The following IFT80 variants were observed in gnomAD, a reference collection of about 807,000 sequenced individuals.
The protein encoded by IFT80 is intraflagellar transport protein 80 homolog.
Under a neutral mutation model 107.9 loss-of-function variants are expected in IFT80, and 79 were observed. The observed-to-expected ratio is 0.73, with a 90% CI of 0.61 to 0.88. The LOEUF (loss-of-function observed/expected upper bound fraction) is 0.88, where lower values mean the gene tolerates loss of function less well. IFT80 is among the 40% of genes least tolerant of loss of function. IFT80 has a pLI of 0.00. For synonymous variants in IFT80, 299 were observed against 300.9 expected (o/e 0.99, Z 0.07); for missense variants, 797 against 914.2 (o/e 0.87, Z 1.65).
chr3:160,276,426 A>G (rs1472578900), intron 18 of IFT80, among the ~76,000 whole-genome samples: 1 of 152,232 alleles, frequency 6.6e-6, no homozygotes, highest in Admixed American at 6.5e-5. Flanking sequence ...GTTTAACTAA[A>G]GAGCCTTGTA....
At chr3:160,396,028 T>C (rs1713753221) in intron 1 of IFT80, among the ~76,000 whole-genome samples, 2 of 152,100 alleles carry the variant, frequency 1.3e-5, no homozygotes, top group South Asian at 4.1e-4. Context: ...CAGTTATTCT[T>C]ACAGCACTAC....
Position 160,357,585 on chromosome 3 carries a change from G to GA in IFT80, c.550-8dup. 1.9e-6 allele frequency: 3 copies of GA among 1,544,152 alleles called. No individual in the cohort carries two copies. Among genetic ancestry groups the GA allele is most frequent in the Non-Finnish European group, 2.7e-6 (3 of 1,119,692 alleles). On this transcript the variant is annotated splice_region_variant and splice_polypyrimidine_tract_variant and intron_variant, in intron 6 of 19. Transcript: ENST00000326448. ...TGCCATCATGAGCTTTCCACTGTGA[G>GA]AAAAAAGAATAAGATATTAATTATA... is the stretch of plus-strand genomic sequence containing the variant.
At chr3:160,375,114 C>T (rs748741693) in intron 5 of IFT80, among the ~76,000 whole-genome samples, 70 of 152,232 alleles carry the variant, frequency 4.6e-4, no homozygotes, top group South Asian at 3.3e-3. Context: ...GAGGAATAGT[C>T]AGCAAGTTTT....
chr3:160,398,177 G>T (rs932327314), intron 1 of IFT80, among the ~76,000 whole-genome samples: 2 of 152,074 alleles, frequency 1.3e-5, no homozygotes, highest in Non-Finnish European at 2.9e-5. Flanking sequence ...TCACGATATT[G>T]AGTCTACGCT....
In IFT80 at chr3:160,350,527, T is replaced by G. The variant is rs547795509; in HGVS notation, c.777+5486A>C. On this transcript the variant is annotated intron_variant, in intron 8 of 19. Coordinates refer to ENST00000326448, the MANE Select transcript of IFT80 (RefSeq NM_020800.3). ...AGAATTATTCCCCAATAAAGATGTA[T>G]GCCACCAGGCAGGACACGGTGGCTC... Among the ~76,000 whole-genome samples the G allele has an allele frequency of 1.1e-4, 17 of 152,132 alleles. No homozygotes were observed. In the South Asian group the frequency reaches 3.3e-3, roughly 30 times the overall value.
intron 8 of IFT80, among the ~76,000 whole-genome samples, chr3:160,348,669 A>G (rs577971463): frequency 6.6e-6 from 1 of 152,352 alleles, no homozygotes; most frequent in Non-Finnish European, 1.5e-5. Context: ...ATTTCTAATA[A>G]CCAAATTTTG....
intron 3 of IFT80, 112 bp downstream of exon 3, chr3:160,381,390 TA>T: frequency 1.2e-6 from 1 of 800,226 alleles, no homozygotes; most frequent in Non-Finnish European, 2.1e-6. Context: ...AATATGTGGA[TA>T]AAAATATGCA....
At chr3:160,299,188 A>G in intron 12 of IFT80, 1 of 1,077,438 alleles carries the variant, frequency 9.3e-7, no homozygotes. Context: ...TCTGGATACT[A>G]TATTATTCCA....
chr3:160,299,313 A>G (rs1258638308), intron 12 of IFT80: 2 of 875,936 alleles, frequency 2.3e-6, no homozygotes, highest in Non-Finnish European at 3.0e-6. Context: ...TAGGAGAGTT[A>G]TATTTCCTGC....
intron 6 of IFT80, 146 bp downstream of exon 6, chr3:160,365,897 G>T (rs991429652): frequency 1.5e-6 from 1 of 685,856 alleles, no homozygotes; most frequent in Non-Finnish European, 2.6e-6. Flanking sequence ...GATATTCCTT[G>T]TTCTGTAATA....
At chr3:160,391,684 T>C (rs1293845676) in intron 1 of IFT80, 7 of 151,944 alleles carry the variant, frequency 4.6e-5, no homozygotes, top group Non-Finnish European at 4.4e-5. Flanking sequence ...AAAAAAGTTA[T>C]ATAAAATCAC....
chr3:160,270,719 C>T (rs544976354), intron 18 of IFT80, among the ~76,000 whole-genome samples: 2 of 152,310 alleles, frequency 1.3e-5, no homozygotes, highest in Non-Finnish European at 2.9e-5. Context: ...CTCAGTTCTG[C>T]TAACCCTCTC....
intron 8 of IFT80, 109 bp from the exon 9 acceptor site, chr3:160,320,048 A>G (rs1009439277): frequency 4.2e-5 from 31 of 736,574 alleles, no homozygotes; most frequent in African/African-American, 2.5e-4. Context: ...AAGAATGTCT[A>G]TTCTGGAATT....
At chr3:160,284,501 A>C (rs565262876) in intron 13 of IFT80, among the ~76,000 whole-genome samples, 30 of 152,200 alleles carry the variant, frequency 2.0e-4, no homozygotes, top group Non-Finnish European at 3.4e-4. Flanking sequence ...AGGTAAACTC[A>C]TACACTCTCT....
chr3:160,342,095 A>G (rs1719940886), intron 8 of IFT80, among the ~76,000 whole-genome samples: 1 of 152,164 alleles, frequency 6.6e-6, no homozygotes, highest in Non-Finnish European at 1.5e-5. Flanking sequence ...CAACACACTA[A>G]TACTTATAAG....
chr3:160,313,691 C>T (rs1717579453), intron 9 of IFT80, among the ~76,000 whole-genome samples: 1 of 151,044 alleles, frequency 6.6e-6, no homozygotes, highest in Non-Finnish European at 1.5e-5. Flanking sequence ...CCCACTGCAA[C>T]CTCTGCCTCC....
rs546717998 is a variant in IFT80 at position 160,359,846 on chromosome 3, T to C, written c.550-2268A>G. On this transcript the variant is annotated intron_variant, in intron 6 of 19. Coordinates refer to ENST00000326448, the MANE Select transcript of IFT80 (RefSeq NM_020800.3). ...GACATCCACACCAAAACACCATCTG[T>C]AGGTCACCAACATCAAAGACCAAAG... 1.2e-4 allele frequency among the ~76,000 whole-genome samples: 18 copies of C among 152,258 alleles called. No homozygotes were observed. In the South Asian group the frequency reaches 3.5e-3, roughly 30 times the overall value.
At chr3:160,298,077 C>G (rs1166621196) in intron 12 of IFT80, among the ~76,000 whole-genome samples, 1 of 152,102 alleles carries the variant, frequency 6.6e-6, no homozygotes, top group Non-Finnish European at 1.5e-5. Flanking sequence ...AAAATAGCAG[C>G]TCTAGTACTT....
At chr3:160,333,981 G>GCC (rs1333498718) in intron 8 of IFT80, among the ~76,000 whole-genome samples, 1 of 152,086 alleles carries the variant, frequency 6.6e-6, no homozygotes, top group African/African-American at 2.4e-5. Flanking sequence ...GTTGTACTAT[G>GCC]ATACTAGGAT....
Sources: allele counts gnomAD v4.1 joint callset (sites outside exome capture counted in the v4.1 genomes callset), GRCh38; gene constraint gnomAD v4.1.1; transcripts MANE v1.5; gene names NCBI Gene and HGNC (gene_info 2026-07-23, HGNC 2026-07-21).